Variants in SNX29 observed in about 807,000 individuals in gnomAD.
SNX29 encodes the protein sorting nexin 29, also known as sorting nexin-29.
SNX29 carries 78 observed loss-of-function variants against 102.1 expected under a neutral mutation model. The ratio of observed to expected loss-of-function variants is 0.76; its 90% CI spans 0.64 to 0.92. The LOEUF (loss-of-function observed/expected upper bound fraction) is 0.92, where lower values mean the gene tolerates loss of function less well. SNX29 is among the 40% of genes least tolerant of loss of function. The pLI is 0.00. For missense variants in SNX29, 1,280 were observed against 1,061.7 expected (o/e 1.21, Z -2.86); for synonymous variants, 580 against 414.5 (o/e 1.40, Z -4.85).
intron 20 of SNX29, among the ~76,000 whole-genome samples, chr16:12,561,704 C>T (rs1027670534): frequency 2.0e-5 from 3 of 152,188 alleles, no homozygotes; most frequent in Non-Finnish European, 2.9e-5. Flanking sequence ...CCCAACTCCC[C>T]AGTGCTGTGT....
intron 13 of SNX29, among the ~76,000 whole-genome samples, chr16:12,166,955 G>GA (rs1345371953): frequency 6.6e-6 from 1 of 152,222 alleles, no homozygotes; most frequent in Non-Finnish European, 1.5e-5. Flanking sequence ...TTGCTGCATG[G>GA]AGCTCTCCTT....
At chr16:12,537,738 C>G (rs1286720320) in intron 20 of SNX29, among the ~76,000 whole-genome samples, 1 of 152,080 alleles carries the variant, frequency 6.6e-6, no homozygotes, top group Non-Finnish European at 1.5e-5. Context: ...ATTTTTGGCA[C>G]AATGACCTCT....
intron 13 of SNX29, among the ~76,000 whole-genome samples, chr16:12,160,971 C>T (rs752507743): frequency 5.3e-5 from 8 of 152,200 alleles, no homozygotes; most frequent in Non-Finnish European, 1.0e-4. Flanking sequence ...TCGAGATATG[C>T]AAATCATCCT....
At chr16:12,021,608 C>A (rs1024061453) in intron 3 of SNX29, among the ~76,000 whole-genome samples, 1 of 152,070 alleles carries the variant, frequency 6.6e-6, no homozygotes, top group Non-Finnish European at 1.5e-5. Flanking sequence ...ATAGGACAGG[C>A]TGGGCTTGGT....
At chr16:12,403,304 A>G (rs1263093908) in intron 17 of SNX29, 144 bp from the exon 18 acceptor site, 2 of 670,118 alleles carry the variant, frequency 3.0e-6, no homozygotes, top group African/African-American at 3.7e-5. Context: ...TTAGCTTGCC[A>G]TCAGGTGTGA....
chr16:12,485,078 T>C (rs2088160240), intron 19 of SNX29, among the ~76,000 whole-genome samples: 1 of 152,234 alleles, frequency 6.6e-6, no homozygotes, highest in South Asian at 2.1e-4. Flanking sequence ...TGGCACACAT[T>C]CAAAAAATCT....
intron 20 of SNX29, among the ~76,000 whole-genome samples, chr16:12,528,625 C>G (rs1567658754): frequency 6.6e-6 from 1 of 152,216 alleles, no homozygotes; most frequent in Non-Finnish European, 1.5e-5. Flanking sequence ...CCAGCATCCC[C>G]TCCATGCTGT....
chr16:12,106,648 ATT>A (rs57242428), intron 11 of SNX29, among the ~76,000 whole-genome samples: 1 of 142,274 alleles, frequency 7.0e-6, no homozygotes, highest in Non-Finnish European at 1.5e-5. Flanking sequence ...TCATTTTTCT[ATT>A]TTTTTTTTTT....
At chr16:12,282,270 G>A (rs976758983) in intron 15 of SNX29, among the ~76,000 whole-genome samples, 4 of 152,126 alleles carry the variant, frequency 2.6e-5, no homozygotes, top group African/African-American at 9.7e-5. Context: ...ACACAAGGGG[G>A]AAAACTAGTA....
At chr16:12,541,259 GAGA>G (rs1475429742) in intron 20 of SNX29, among the ~76,000 whole-genome samples, 1 of 152,142 alleles carries the variant, frequency 6.6e-6, no homozygotes, top group East Asian at 1.9e-4. Flanking sequence ...TCTTATCAGG[GAGA>G]GAATGACAGG....
intron 18 of SNX29, among the ~76,000 whole-genome samples, chr16:12,444,117 A>T (rs186988356): frequency 6.6e-6 from 1 of 152,072 alleles, no homozygotes; most frequent in Non-Finnish European, 1.5e-5. Context: ...CGTAGTAAGC[A>T]CTCAGTATAG....
chr16:12,203,560 C>T (rs1197620236), intron 14 of SNX29, among the ~76,000 whole-genome samples: 1 of 151,510 alleles, frequency 6.6e-6, no homozygotes. Flanking sequence ...GGTGACGTCT[C>T]TGAAGTTGTG....
intron 11 of SNX29, among the ~76,000 whole-genome samples, chr16:12,123,573 G>C (rs1187520883): frequency 1.3e-5 from 2 of 151,970 alleles, no homozygotes; most frequent in African/African-American, 4.8e-5. Context: ...ATATTCAGCC[G>C]TAAAAAGAGA....
At chr16:12,163,363 G>GT (rs2055875621) in intron 13 of SNX29, among the ~76,000 whole-genome samples, 1 of 152,102 alleles carries the variant, frequency 6.6e-6, no homozygotes, top group African/African-American at 2.4e-5. Flanking sequence ...AGGGCTTTAC[G>GT]AGAAGCTTGA....
chr16:12,013,322 C>A (rs990386937), intron 3 of SNX29, among the ~76,000 whole-genome samples: 25 of 150,296 alleles, frequency 1.7e-4, no homozygotes, highest in Non-Finnish European at 2.2e-4. Context: ...ACCCATCAGA[C>A]TGACAAAACC....
chr16:12,531,825 G>C (rs2076939723), intron 20 of SNX29, among the ~76,000 whole-genome samples: 1 of 152,222 alleles, frequency 6.6e-6, no homozygotes, highest in African/African-American at 2.4e-5. Context: ...ACGTCTTCTA[G>C]GATGGCCGCC....
intron 19 of SNX29, among the ~76,000 whole-genome samples, chr16:12,490,765 A>G (rs560568517): frequency 6.6e-6 from 1 of 152,382 alleles, no homozygotes; most frequent in South Asian, 2.1e-4. Context: ...GCTTCCAAGC[A>G]CCTAAAAAAT....
intron 14 of SNX29, among the ~76,000 whole-genome samples, chr16:12,271,941 C>T (rs1423007529): frequency 2.6e-5 from 4 of 152,072 alleles, no homozygotes; most frequent in Non-Finnish European, 5.9e-5. Flanking sequence ...ATCTTCGAAG[C>T]TGCTTACTGA....
At chr16:12,281,977 T>C (rs572477645) in intron 15 of SNX29, among the ~76,000 whole-genome samples, 1 of 146,384 alleles carries the variant, frequency 6.8e-6, no homozygotes, top group South Asian at 2.2e-4. Context: ...CCCAGCTACT[T>C]GGGAGGCTGA....
Sources: allele counts gnomAD v4.1 joint callset (sites outside exome capture counted in the v4.1 genomes callset), GRCh38; gene constraint gnomAD v4.1.1; transcripts MANE v1.5; gene names NCBI Gene and HGNC (gene_info 2026-07-23, HGNC 2026-07-21).